Variants in KCND2 observed in about 807,000 individuals in gnomAD.
The protein encoded by KCND2 is potassium voltage-gated channel subfamily D member 2, also known as A-type voltage-gated potassium channel KCND2.
Under a neutral mutation model 54.4 loss-of-function variants are expected in KCND2, and 16 were observed. That is an observed-to-expected ratio of 0.29 (90% CI 0.20 to 0.45). The LOEUF (loss-of-function observed/expected upper bound fraction) is 0.45, where lower values mean the gene tolerates loss of function less well. Ranked by LOEUF, KCND2 falls within the 20% of genes least tolerant of loss-of-function variation. The pLI, the probability that KCND2 is intolerant of heterozygous loss-of-function variation, is 1.00. For synonymous variants in KCND2, 317 were observed against 310.7 expected, an observed-to-expected ratio of 1.02 and a Z score of -0.21; for missense variants, 486 against 824.2, an observed-to-expected ratio of 0.59 and a Z score of 5.02.
At chr7:120,501,718 A>G (rs1802937679) in intron 1 of KCND2, among the ~76,000 whole-genome samples, 1 of 152,134 alleles carries the variant, frequency 6.6e-6, no homozygotes, top group Non-Finnish European at 1.5e-5. Flanking sequence ...AAGAAACTCG[A>G]TAAGCCAATC....
At chr7:120,659,840 G>A (rs753078684) in intron 1 of KCND2, among the ~76,000 whole-genome samples, 3 of 152,132 alleles carry the variant, frequency 2.0e-5, no homozygotes, top group Non-Finnish European at 4.4e-5. Flanking sequence ...ATACATTTTT[G>A]TAATTAGTGT....
chr7:120,274,204 G>A lies in KCND2; in HGVS notation c.-429G>A, dbSNP rs1562993114. On this transcript the variant is annotated 5_prime_UTR_variant, in exon 1 of 6. Transcript: ENST00000331113. ...GTAAGGGTTCCCTAATTCGTCGAAA[G>A]AATTCTATTGGGTGACTCTCGTTCG... 1.0e-5 allele frequency: 2 copies of A among 198,306 alleles called. No homozygotes were observed. The highest frequency in any genetic ancestry group is 1.2e-4 in the East Asian group (1 of 8,064). 12.3% of individuals were successfully genotyped at this position (198,306 alleles called of 1,614,324 possible). A position where few individuals can be genotyped will look rare whatever the true frequency, so the allele number is the denominator to read the frequency against.
chr7:120,520,585 G>C (rs528396875), intron 1 of KCND2, among the ~76,000 whole-genome samples: 14 of 152,134 alleles, frequency 9.2e-5, no homozygotes, highest in African/African-American at 3.1e-4. Flanking sequence ...GCTCAGGGAC[G>C]CTCCTGAAGA....
At chr7:120,546,983 T>C (rs954182264) in intron 1 of KCND2, among the ~76,000 whole-genome samples, 5 of 151,912 alleles carry the variant, frequency 3.3e-5, no homozygotes, top group African/African-American at 1.2e-4. Flanking sequence ...ACTATGCCCA[T>C]GAGATCTAGA....
intron 1 of KCND2, among the ~76,000 whole-genome samples, chr7:120,528,218 G>A (rs975406515): frequency 6.6e-6 from 1 of 151,906 alleles, no homozygotes; most frequent in South Asian, 2.1e-4. Context: ...CTTTATAAAC[G>A]ACAGCAGTTA....
chr7:120,725,130 G>A (rs918000582), intron 1 of KCND2, among the ~76,000 whole-genome samples: 5 of 152,142 alleles, frequency 3.3e-5, no homozygotes, highest in African/African-American at 1.2e-4. Context: ...AAAGAACGCA[G>A]TCAGTAAGCC....
chr7:120,630,003 C>T (rs12533273), intron 1 of KCND2, among the ~76,000 whole-genome samples: 57,981 of 151,762 alleles, frequency 0.38, 12,816 homozygotes, highest in African/African-American at 0.59. Context: ...AGTTATTAAC[C>T]GGGGAGTCAA....
chr7:120,619,985 G>GCTA (rs1391632158), intron 1 of KCND2, among the ~76,000 whole-genome samples: 1 of 152,106 alleles, frequency 6.6e-6, no homozygotes, highest in Admixed American at 6.5e-5. Context: ...AGCTACTCAA[G>GCTA]TGGTTGCTTT....
chr7:120,625,414 A>G (rs1178371503), intron 1 of KCND2, among the ~76,000 whole-genome samples: 2 of 152,198 alleles, frequency 1.3e-5, no homozygotes, highest in Non-Finnish European at 2.9e-5. Flanking sequence ...CTTTAATTCA[A>G]ATGCAAAATA....
chr7:120,561,229 G>T (rs1792228640), intron 1 of KCND2, among the ~76,000 whole-genome samples: 1 of 151,796 alleles, frequency 6.6e-6, no homozygotes, highest in Non-Finnish European at 1.5e-5. Flanking sequence ...TGCAAATAAA[G>T]AAGTAAAAGA....
At chr7:120,702,085 G>C (rs146945474) in intron 1 of KCND2, among the ~76,000 whole-genome samples, 2 of 151,914 alleles carry the variant, frequency 1.3e-5, no homozygotes, top group African/African-American at 4.8e-5. Context: ...CAGCATCTGA[G>C]AGGAACTTAA....
At chr7:120,607,268 A>G (rs1792893463) in intron 1 of KCND2, among the ~76,000 whole-genome samples, 1 of 152,036 alleles carries the variant, frequency 6.6e-6, no homozygotes, top group African/African-American at 2.4e-5. Flanking sequence ...GAAAAATTGA[A>G]TTTTGACAAT....
intron 1 of KCND2, among the ~76,000 whole-genome samples, chr7:120,547,219 T>G (rs1373323666): frequency 2.6e-5 from 4 of 152,030 alleles, no homozygotes; most frequent in Non-Finnish European, 5.9e-5. Flanking sequence ...GATAGAGAGA[T>G]AAATTGTGAG....
rs1441597759 is a variant in KCND2, at chr7:120,727,577, T to TA, written c.1116-5326_1116-5325insA. ...TAAATCTCTTCTGAGGAATTGGTCT[T>TA]CCACCCAAAATAATCTTCAATATTT... On this transcript the variant is annotated intron_variant, in intron 1 of 5. Transcript: ENST00000331113. Among the ~76,000 whole-genome samples the TA allele has an allele frequency of 3.3e-5, 5 of 152,226 alleles. No homozygotes were observed. In the South Asian group the frequency reaches 6.2e-4, roughly 19 times the overall value.
At chr7:120,695,892 T>A (rs78613044) in intron 1 of KCND2, among the ~76,000 whole-genome samples, 9,218 of 152,262 alleles carry the variant, frequency 0.061, 778 homozygotes, top group East Asian at 0.42. Context: ...AGATGGAAGT[T>A]GCTATGAGTT....
At chr7:120,711,170 G>A (rs1014977534) in intron 1 of KCND2, among the ~76,000 whole-genome samples, 2 of 151,920 alleles carry the variant, frequency 1.3e-5, no homozygotes, top group Admixed American at 1.3e-4. Context: ...AATAAAAGAT[G>A]ACAAATTAGA....
intron 1 of KCND2, among the ~76,000 whole-genome samples, chr7:120,542,510 C>G (rs1003317093): frequency 3.3e-5 from 5 of 152,160 alleles, no homozygotes; most frequent in African/African-American, 1.2e-4. Flanking sequence ...CCCAACTTCT[C>G]TCACATCTAC....
chr7:120,378,809 A>T (rs1800872239), intron 1 of KCND2, among the ~76,000 whole-genome samples: 1 of 152,010 alleles, frequency 6.6e-6, no homozygotes, highest in Non-Finnish European at 1.5e-5. Context: ...CTTTTGAAAA[A>T]ATATAGAATC....
rs112769908 is a variant in KCND2, at chr7:120,696,023, C to T, written c.1116-36880C>T. 8.9e-4 allele frequency among the ~76,000 whole-genome samples: 135 copies of T among 152,282 alleles called. 1 individual carries two copies. Among genetic ancestry groups the T allele is most frequent in the African/African-American group, 3.0e-3 (124 of 41,558 alleles). ...CATCAATCCTTTTATTTAATAGCTT[C>T]AATGGAAACCACTCCTGGGAACATC... On this transcript the variant is annotated intron_variant, in intron 1 of 5. Coordinates refer to ENST00000331113, the MANE Select transcript of KCND2 (RefSeq NM_012281.3).
Sources: allele counts gnomAD v4.1 joint callset (sites outside exome capture counted in the v4.1 genomes callset), GRCh38; gene constraint gnomAD v4.1.1; transcripts MANE v1.5; gene names NCBI Gene and HGNC (gene_info 2026-07-23, HGNC 2026-07-21).